MYO10: variants seen among roughly 807,000 people sequenced by gnomAD.
The protein encoded by MYO10 is myosin X, also known as unconventional myosin-X.
Under a neutral mutation model 257.3 loss-of-function variants are expected in MYO10, and 133 were observed. The observed-to-expected ratio is 0.52, with a 90% CI of 0.45 to 0.60. The LOEUF is 0.60. Among genes scored for constraint, MYO10 ranks in the 20% least tolerant of loss-of-function variants. The pLI, the probability that MYO10 is intolerant of heterozygous loss-of-function variation, is 0.00. For missense variants in MYO10, 2,399 were observed against 2,635.7 expected (o/e 0.91, Z 1.97); for synonymous variants, 1,104 against 1,028.6 (o/e 1.07, Z -1.40).
chr5:16,869,787 C>T (rs71609330), intron 2 of MYO10, among the ~76,000 whole-genome samples: 22,688 of 150,968 alleles, frequency 0.15, 2,146 homozygotes, highest in Admixed American at 0.22. Flanking sequence ...ATCGCTTGAA[C>T]GCAGGAGACA....
At chr5:16,696,969 CAGTT>C (rs1444502446) in intron 26 of MYO10, among the ~76,000 whole-genome samples, 1 of 151,476 alleles carries the variant, frequency 6.6e-6, no homozygotes, top group African/African-American at 2.4e-5. Context: ...TTAGTAAAAA[CAGTT>C]AAGATGATTT....
chr5:16,687,919 A>G (rs977442933), intron 28 of MYO10, among the ~76,000 whole-genome samples: 3 of 152,224 alleles, frequency 2.0e-5, no homozygotes, highest in African/African-American at 7.2e-5. Flanking sequence ...TTCTGTCTAG[A>G]TTAGACTCTT....
At chr5:16,713,454 C>T (rs1738710561) in intron 19 of MYO10, 1 of 985,698 alleles carries the variant, frequency 1.0e-6, no homozygotes, top group Non-Finnish European at 1.2e-6. Flanking sequence ...ATAATGAACA[C>T]CATTCCTGTG....
intron 21 of MYO10, among the ~76,000 whole-genome samples, chr5:16,706,299 G>T (rs1738337016): frequency 6.6e-6 from 1 of 151,352 alleles, no homozygotes; most frequent in African/African-American, 2.4e-5. Flanking sequence ...ATATACATGA[G>T]AATATATATA....
intron 8 of MYO10, among the ~76,000 whole-genome samples, chr5:16,780,060 C>G (rs1375380789): frequency 1.3e-5 from 2 of 152,072 alleles, no homozygotes; most frequent in African/African-American, 2.4e-5. Flanking sequence ...AACCACCATG[C>G]CTGGCTAATT....
intron 1 of MYO10, among the ~76,000 whole-genome samples, chr5:16,927,861 T>G (rs1746180939): frequency 6.6e-6 from 1 of 152,206 alleles, no homozygotes; most frequent in African/African-American, 2.4e-5. Context: ...GGTGCTAGAT[T>G]TACTTTAGGC....
rs766908015 is a variant in MYO10 at position 16,666,789 on chromosome 5, A to G, written c.6080T>C (p.Val2027Ala). 4 of 1,599,672 alleles carry G rather than the reference A, an allele frequency of 2.5e-6. No homozygotes were observed. Among genetic ancestry groups the G allele is most frequent in the East Asian group, 2.2e-5 (1 of 44,568 alleles). ...RELLFETSEV[V>A]DVAKLMKAYI... is the part of the protein sequence containing the mutation. ...GGCTTTCATGAGCTTGGCCACATCC[A>G]CCACCTGCCCAGGGGGAAGCAGAAC... The change falls in exon 41 of 41, where the codon GTG (valine) becomes GCG (alanine). Residue 2027 changes from valine to alanine, a missense_variant. This residue lies in a region of MYO10 where 1,820 missense variants were observed against 1,939.4 expected (regional missense o/e 0.94). Transcript: ENST00000513610.
chr5:16,846,650 G>A (rs907425735), intron 2 of MYO10, among the ~76,000 whole-genome samples: 4 of 152,290 alleles, frequency 2.6e-5, no homozygotes, highest in East Asian at 3.9e-4. Context: ...CATCATCATC[G>A]TTGTGCAGGG....
Position 16,924,900 on chromosome 5 carries a change from T to A in MYO10, c.21+10888A>T, listed in dbSNP as rs2625178. Among the ~76,000 whole-genome samples, 7 of 148,444 alleles carry A rather than the reference T, an allele frequency of 4.7e-5. No homozygotes were observed. The East Asian group carries it at 6.1e-4, about 13-fold the overall frequency. ...GGCTGGAGTGCAGTGGCACGATCTC[T>A]GCTCACTGCAAGCTCCGCCTCCCAG... On this transcript the variant is annotated intron_variant, in intron 1 of 40. Coordinates refer to ENST00000513610, the MANE Select transcript of MYO10 (RefSeq NM_012334.3).
At chr5:16,823,232 G>A (rs1028086246) in intron 2 of MYO10, among the ~76,000 whole-genome samples, 8 of 150,020 alleles carry the variant, frequency 5.3e-5, no homozygotes, top group Non-Finnish European at 1.2e-4. Flanking sequence ...ATCACTTGAG[G>A]CCAGGAGTTC....
chr5:16,701,024 G>A lies in MYO10; in HGVS notation c.3371C>T (p.Ser1124Phe), dbSNP rs371370710. Reference protein sequence around the residue: ...GSQWSPDYRCSVGTYNSSGAY... With the variant: ...GSQWSPDYRCFVGTYNSSGAY... ...ACCCGAGCTGTTGTAGGTCCCCACA[G>A]AGCAGCGGTAGTCGGGGGACCACTG... Residue 1124 changes from serine to phenylalanine, a missense_variant, in exon 25 of 41, where the codon TCT becomes TTT. This residue lies in a region of MYO10 where 1,820 missense variants were observed against 1,939.4 expected (regional missense o/e 0.94). Transcript: ENST00000513610. This position sits in a 1 kb window ranked among gnomAD's most constrained non-coding sequence, Gnocchi z 8.1. 2.4e-5 allele frequency: 37 copies of A among 1,562,998 alleles called. No homozygotes were observed. The African/African-American group carries it at 4.7e-4, about 20-fold the overall frequency.
Position 16,694,357 on chromosome 5 carries a change from G to C in MYO10, c.3800+14C>G. 6.2e-7 allele frequency: 1 copy of C among 1,613,840 alleles called. No homozygotes were observed. The highest frequency in any genetic ancestry group is 8.5e-7 in the Non-Finnish European group (1 of 1,179,742). ...GAGCAACCCATCGGGCCACAGCCAG[G>C]CTTAGCAACCTACTTTGCCGTTCGC... On this transcript the variant is annotated intron_variant, in intron 27 of 40. Coordinates refer to ENST00000513610, the MANE Select transcript of MYO10 (RefSeq NM_012334.3).
At chr5:16,736,585 G>C (rs1287103492) in intron 19 of MYO10, among the ~76,000 whole-genome samples, 1 of 152,076 alleles carries the variant, frequency 6.6e-6, no homozygotes, top group Admixed American at 6.6e-5. Context: ...TCCCTAATTC[G>C]CAAGGTACCT....
At chr5:16,870,495 C>T (rs933781789) in intron 2 of MYO10, among the ~76,000 whole-genome samples, 2 of 151,630 alleles carry the variant, frequency 1.3e-5, no homozygotes, top group Non-Finnish European at 2.9e-5. Context: ...TGCATTTTAA[C>T]AAGATCCACA....
At chr5:16,749,359 T>C (rs1373377464) in intron 19 of MYO10, among the ~76,000 whole-genome samples, 1 of 151,916 alleles carries the variant, frequency 6.6e-6, no homozygotes, top group Non-Finnish European at 1.5e-5. Context: ...TGGTTGCACA[T>C]GCCTGTAATC....
chr5:16,826,412 C>T (rs560635080), intron 2 of MYO10, among the ~76,000 whole-genome samples: 2 of 152,246 alleles, frequency 1.3e-5, no homozygotes, highest in East Asian at 3.9e-4. Context: ...CAGTGACTGG[C>T]ATACAACAAG....
At chr5:16,721,595 G>A (rs192621028) in intron 19 of MYO10, among the ~76,000 whole-genome samples, 40 of 152,304 alleles carry the variant, frequency 2.6e-4, no homozygotes, top group African/African-American at 9.6e-4. Context: ...AGCAGGGCCT[G>A]ACTGGCGAGC....
In MYO10 at chr5:16,666,449, A is replaced by G. The variant is rs918018074; in HGVS notation, c.*243T>C. On this transcript the variant is annotated 3_prime_UTR_variant, in exon 41 of 41. Transcript: ENST00000513610. ...GGTTCCTCCCCTCCTTTTTTAAGGC[A>G]TGTGTCCTCTAAGAGTAGTAAAGCT... 2.4e-5 allele frequency: 10 copies of G among 421,938 alleles called. No individual in the cohort carries two copies. Among genetic ancestry groups the G allele is most frequent in the African/African-American group, 2.0e-4 (10 of 48,838 alleles). 26.1% of individuals were successfully genotyped at this position (421,938 alleles called of 1,614,324 possible). A position where few individuals can be genotyped will look rare whatever the true frequency, so the allele number is the denominator to read the frequency against.
At chr5:16,725,078 C>CT (rs34100971) in intron 19 of MYO10, among the ~76,000 whole-genome samples, 23,729 of 74,926 alleles carry the variant, frequency 0.32, 7,058 homozygotes, top group Non-Finnish European at 0.4. Context: ...CCTTCTTCTT[C>CT]TTTTTTTTTT....
Sources: allele counts gnomAD v4.1 joint callset (sites outside exome capture counted in the v4.1 genomes callset), GRCh38; gene constraint gnomAD v4.1.1; regional missense constraint gnomAD v4.1.1; non-coding constraint Gnocchi (gnomAD v3.1); transcripts MANE v1.5; gene names NCBI Gene and HGNC (gene_info 2026-07-23, HGNC 2026-07-21).